The following TNK2 variants were observed in gnomAD, a reference collection of about 807,000 sequenced individuals.
TNK2 encodes the protein tyrosine kinase non receptor 2.
A neutral mutation model predicts 101.8 loss-of-function variants in TNK2; 83 were observed. The observed-to-expected ratio is 0.82, with a 90% confidence interval of 0.68 to 0.98. The LOEUF (loss-of-function observed/expected upper bound fraction) is 0.98. Ranked by LOEUF, TNK2 falls within the 50% of genes least tolerant of loss-of-function variation. The pLI, the probability that TNK2 is intolerant of heterozygous loss-of-function variation, is 0.00. For missense variants in TNK2, 1,665 were observed against 1,483.2 expected, an observed-to-expected ratio of 1.12 and a Z score of -2.01; for synonymous variants, 804 against 633.0, an observed-to-expected ratio of 1.27 and a Z score of -4.06.
At chr3:195,896,011 T>G (rs2149812580) in intron 1 of TNK2, 1 of 388,288 alleles carries the variant, frequency 2.6e-6, no homozygotes, top group South Asian at 1.7e-5. Flanking sequence ...CGCGCGCCAC[T>G]CCCGCAACGC....
At chr3:195,865,792 G>A (rs1201882170) in intron 15 of TNK2, among the ~76,000 whole-genome samples, 9 of 151,784 alleles carry the variant, frequency 5.9e-5, no homozygotes, top group Non-Finnish European at 1.2e-4. Flanking sequence ...GGGACAGACA[G>A]GTGACACGGA....
At position 195,895,356 on chromosome 3, in the gene TNK2, G is replaced by A. The variant is rs568369528; in HGVS notation, c.-18-6750C>T. ...GAGAGAAGCAGCGCCCGCAGCCCCC[G>A]CCCCGCAGCGGCACCGGCAGCGTCA... On this transcript the variant is annotated intron_variant, in intron 1 of 15. Transcript: ENST00000672887. 1.0e-5 allele frequency: 16 copies of A among 1,557,784 alleles called. No individual in the cohort carries two copies. The highest frequency in any genetic ancestry group is 8.4e-5 in the African/African-American group (6 of 71,250).
Position 195,867,447 on chromosome 3 carries a change from G to A in TNK2, c.2851C>T (p.Pro951Ser), listed in dbSNP as rs758660418. The change falls in exon 13 of 16, where the codon CCC becomes TCC. Residue 951 changes from proline to serine, a missense_variant. This residue lies in a region of TNK2 where 1,136 missense variants were observed against 894.9 expected (regional missense o/e 1.27). Transcript: ENST00000672887. ...NNSNPGARPP[P>S]PRATARLPQR... ...GGCAGCCGAGCAGTGGCCCTCGGGG[G>A]TGGTGGCCGGGCCCCTGGGTTGCTG... 10 of 1,594,166 alleles carry A rather than the reference G, an allele frequency of 6.3e-6. No homozygotes were observed. The Admixed American group carries it at 1.2e-4, about 19-fold the overall frequency.
In TNK2 at chr3:195,879,593, G is replaced by A. The variant is rs766411451; in HGVS notation, c.888-418C>T. ...CAGGAAGCAGTGGGTGGGAAATTCG[G>A]GTAGGGCCTGGGGAAGAACCAAAAT... On this transcript the variant is annotated intron_variant, in intron 6 of 15. Transcript: ENST00000672887. 4 of 175,150 alleles carry A rather than the reference G, an allele frequency of 2.3e-5. No homozygotes were observed. In the South Asian group the frequency reaches 3.6e-4, roughly 16 times the overall value. 10.8% of individuals were successfully genotyped at this position (175,150 alleles called of 1,614,324 possible). A position where few individuals can be genotyped will look rare whatever the true frequency, so the allele number is the denominator to read the frequency against.
intron 10 of TNK2, among the ~76,000 whole-genome samples, chr3:195,871,807 G>A (rs1201087934): frequency 6.6e-6 from 1 of 152,196 alleles, no homozygotes; most frequent in Non-Finnish European, 1.5e-5. Context: ...CCCCTTATTG[G>A]GGGGGTGAAC....
rs748871685 is a variant in TNK2, at chr3:195,869,524, G to A, written c.1561C>T (p.Pro521Ser). 2 of 1,551,138 alleles carry A rather than the reference G, an allele frequency of 1.3e-6. No homozygotes were observed. The highest frequency in any genetic ancestry group is 1.7e-6 in the Non-Finnish European group (2 of 1,146,990). The change falls in exon 12 of 16, where the codon CCA (proline) becomes TCA (serine). Residue 521 changes from proline to serine, a missense_variant. Physicochemically the swap from Pro to Ser is moderately conservative, Grantham distance 74. This residue lies in a region of TNK2 where 1,136 missense variants were observed against 894.9 expected (regional missense o/e 1.27). Transcript: ENST00000672887. ...TGAGTGAAGAAGGCAGGCTGAGGTG[G>A]GCGAGGTGGAGGCTCCCCTGCAAGA... Reference protein sequence around the residue: ...GGVKREPPPRPPQPAFFTQKP... With the variant: ...GGVKREPPPRSPQPAFFTQKP...
chr3:195,866,975 C>T lies in TNK2; in HGVS notation c.3075G>A (p.Glu1025=), dbSNP rs1424979566. Residue 1025 remains glutamate, a synonymous_variant, in exon 15 of 16, where the codon GAG becomes GAA. Coordinates refer to ENST00000672887, the MANE Select transcript of TNK2 (RefSeq NM_001382273.1). The stretch of plus-strand genomic sequence containing the variant: ...CGAACATCTCCAGCACTTTGTGGCA[C>T]TCCCCTCTGGGCCGCAGACCCAGCC... The part of the protein sequence containing the change: ...LFGLGLRPRG[E]CHKVLEMFDW... 2 of 1,613,204 alleles carry T rather than the reference C, an allele frequency of 1.2e-6. No individual in the cohort carries two copies. The highest frequency in any genetic ancestry group is 1.7e-5 in the Admixed American group (1 of 60,014).
At chr3:195,895,787 T>C (rs1051685938) in intron 1 of TNK2, 2 of 213,698 alleles carry the variant, frequency 9.4e-6, no homozygotes, top group Non-Finnish European at 1.8e-5. Context: ...GGGGCCTCCG[T>C]CCGACTCCAT....
Position 195,885,506 on chromosome 3 carries a change from T to G in TNK2, c.235-473A>C. The G allele has an allele frequency of 7.7e-7, 1 of 1,294,834 alleles. No individual in the cohort carries two copies. The highest frequency in any genetic ancestry group is 1.0e-6 in the Non-Finnish European group (1 of 992,392). 80.2% of individuals were successfully genotyped at this position (1,294,834 alleles called of 1,614,324 possible). A position where few individuals can be genotyped will look rare whatever the true frequency, so the allele number is the denominator to read the frequency against. ...TCTGGCCTGACCATTTGGTGCTGTC[T>G]GTCTCCACCCTCACCAGGGAGTCGG... On this transcript the variant is annotated intron_variant, in intron 3 of 15. Coordinates refer to ENST00000672887, the MANE Select transcript of TNK2 (RefSeq NM_001382273.1). This position sits in a 1 kb window ranked among gnomAD's most constrained non-coding sequence, Gnocchi z 4.7.
chr3:195,884,294 C>G (rs985778896), intron 4 of TNK2: 11 of 151,460 alleles, frequency 7.3e-5, no homozygotes, highest in African/African-American at 2.7e-4. Flanking sequence ...CAAATACTTT[C>G]CAAACTTTTA....
chr3:195,869,138 G>T (rs1207433465), intron 12 of TNK2: 5 of 518,940 alleles, frequency 9.6e-6, no homozygotes, highest in Non-Finnish European at 1.0e-5. Context: ...ACTATCCTTG[G>T]AGAGGACAGT....
At chr3:195,892,074 T>C in intron 1 of TNK2, 2 of 913,618 alleles carry the variant, frequency 2.2e-6, no homozygotes, top group South Asian at 4.5e-5. Flanking sequence ...CCCCTCTAAG[T>C]CCCCCTCCAG....
At chr3:195,884,680 A>T (rs1206300838) in intron 4 of TNK2, 132 bp downstream of exon 4, 22 of 768,960 alleles carry the variant, frequency 2.9e-5, no homozygotes, top group Non-Finnish European at 4.4e-5. Flanking sequence ...AAAAATCCTG[A>T]GCACGGACTC....
At chr3:195,906,825 G>A (rs11717090) in intron 1 of TNK2, among the ~76,000 whole-genome samples, 19,360 of 151,962 alleles carry the variant, frequency 0.13, 1,678 homozygotes, top group East Asian at 0.39. Flanking sequence ...CACAAGGTGG[G>A]GGCTAATCCC....
chr3:195,868,855 C>A lies in TNK2; in HGVS notation c.1589-146G>T. On this transcript the variant is annotated intron_variant, in intron 12 of 15. Coordinates refer to ENST00000672887, the MANE Select transcript of TNK2 (RefSeq NM_001382273.1). ...CCCGAGGTCTGAGGTCAGCCACCGG[C>A]GGCCAGGTTCTCAGCGCACCTCCGA... The A allele has an allele frequency of 6.2e-6, 6 of 962,774 alleles. No homozygotes were observed. In the South Asian group the frequency reaches 1.1e-4, roughly 17 times the overall value. The allele number at this position is 962,774 out of a possible 1,614,324, so 59.6% of individuals were successfully genotyped here.
chr3:195,885,395 G>A lies in TNK2; in HGVS notation c.235-362C>T, dbSNP rs537106674. The A allele has an allele frequency of 1.8e-5, 21 of 1,139,146 alleles. No individual in the cohort carries two copies. Among genetic ancestry groups the A allele is most frequent in the Admixed American group, 1.2e-4 (5 of 43,272 alleles). The allele number at this position is 1,139,146 out of a possible 1,614,324, so 70.6% of individuals were successfully genotyped here. On this transcript the variant is annotated intron_variant, in intron 3 of 15. Transcript: ENST00000672887. This position sits in a 1 kb window ranked among gnomAD's most constrained non-coding sequence, Gnocchi z 4.7. ...CCTCCCTTCCTGCACCCGCCACCCCGCAGACTCCAGCCCTAACCCGCATCG... is the reference window on the plus strand; with the variant it reads ...CCTCCCTTCCTGCACCCGCCACCCCACAGACTCCAGCCCTAACCCGCATCG...
chr3:195,868,718 G>C lies in TNK2; in HGVS notation c.1589-9C>G. On this transcript the variant is annotated splice_polypyrimidine_tract_variant and intron_variant, in intron 12 of 15. Coordinates refer to ENST00000672887, the MANE Select transcript of TNK2 (RefSeq NM_001382273.1). ...AGGGTCATAGGTTGGTTCTGTGATG[G>C]AAAGGGAGAGCCCAACAGGAAGGCA... is the stretch of plus-strand genomic sequence containing the variant. 1 of 1,543,830 alleles carries C rather than the reference G, an allele frequency of 6.5e-7. No homozygotes were observed. Among genetic ancestry groups the C allele is most frequent in the Non-Finnish European group, 8.7e-7 (1 of 1,155,048 alleles).
intron 1 of TNK2, among the ~76,000 whole-genome samples, chr3:195,905,242 C>G (rs1012495989): frequency 6.6e-6 from 1 of 152,132 alleles, no homozygotes; most frequent in Non-Finnish European, 1.5e-5. Flanking sequence ...CACTGTCGCC[C>G]GGGCTGGAAT....
intron 15 of TNK2, 122 bp from the exon 16 acceptor site, chr3:195,864,309 T>C (rs1379546080): frequency 3.7e-6 from 4 of 1,088,956 alleles, no homozygotes; most frequent in African/African-American, 3.1e-5. Flanking sequence ...CGGCAAGGAC[T>C]GTAAAATTTA....
Sources: gnomAD v4.1 joint callset for allele counts (sites outside exome capture counted in the v4.1 genomes callset) on GRCh38, gnomAD v4.1.1 for gene constraint, gnomAD v4.1.1 regional missense constraint, Gnocchi (gnomAD v3.1) non-coding constraint, MANE v1.5 for transcripts, NCBI Gene and HGNC (gene_info 2026-07-23, HGNC 2026-07-21) for gene names.